Variants in NAV2 observed in about 807,000 individuals in gnomAD.
NAV2 encodes helicase, APC down-regulated 1.
NAV2 carries 54 observed loss-of-function variants against 223.2 expected under a neutral mutation model. The ratio of observed to expected loss-of-function variants is 0.24; its 90% CI spans 0.19 to 0.30. The LOEUF (loss-of-function observed/expected upper bound fraction) is 0.30. Ranked by LOEUF, NAV2 falls within the 10% of genes least tolerant of loss-of-function variation. The pLI, the probability that NAV2 is intolerant of heterozygous loss-of-function variation, is 1.00. For missense variants in NAV2, 2,806 were observed against 3,147.5 expected (o/e 0.89, Z 2.60); for synonymous variants, 1,279 against 1,239.3 (o/e 1.03, Z -0.67).
At chr11:19,366,995 C>T (rs963711022) in intron 1 of NAV2, among the ~76,000 whole-genome samples, 3 of 152,132 alleles carry the variant, frequency 2.0e-5, no homozygotes, top group East Asian at 3.8e-4. Context: ...GATGAATTCT[C>T]TTTGGTATTT....
Position 19,434,895 on chromosome 11 carries a change from G to A in NAV2, c.75+83868G>A, listed in dbSNP as rs188986947. On this transcript the variant is annotated intron_variant, in intron 1 of 37. Coordinates refer to the NAV2 transcript ENST00000360655. ...GCTCTTTTCAGCAAAGATAAAAACA[G>A]CCTTTATTTTCTCAAAATATGTCTC... Among the ~76,000 whole-genome samples, 4 of 107,406 alleles carry A rather than the reference G, an allele frequency of 3.7e-5. No individual in the cohort carries two copies. In the East Asian group the frequency reaches 8.4e-4, roughly 23 times the overall value. 70.5% of individuals were successfully genotyped at this position (107,406 alleles called of 152,430 possible). A position where few individuals can be genotyped will look rare whatever the true frequency, so the allele number is the denominator to read the frequency against.
In NAV2 at chr11:20,118,321, T is replaced by C; in HGVS notation, c.*63T>C. 6.3e-7 allele frequency: 1 copy of C among 1,581,120 alleles called. No individual in the cohort carries two copies. The highest frequency in any genetic ancestry group is 1.7e-5 in the Admixed American group (1 of 59,118). ...CCGCATTCCACCTGCATCCCCCACATCACCCTGAAGATGACTTCCTGAGCC... is the reference window on the plus strand; with the variant it reads ...CCGCATTCCACCTGCATCCCCCACACCACCCTGAAGATGACTTCCTGAGCC... On this transcript the variant is annotated 3_prime_UTR_variant, in exon 38 of 38. Coordinates refer to ENST00000349880, the MANE Select transcript of NAV2 (RefSeq NM_145117.5).
At chr11:20,018,353 CAAA>C (rs34251713) in intron 11 of NAV2, among the ~76,000 whole-genome samples, 3 of 87,998 alleles carry the variant, frequency 3.4e-5, no homozygotes, top group African/African-American at 1.5e-4. Context: ...GATTCCATCT[CAAA>C]AAAAAAAAAA....
chr11:19,618,786 G>T (rs1482570988), intron 1 of NAV2, among the ~76,000 whole-genome samples: 1 of 151,946 alleles, frequency 6.6e-6, no homozygotes, highest in Non-Finnish European at 1.5e-5. Flanking sequence ...AGGAAAGATT[G>T]GGGAGGGGGT....
At chr11:19,939,874 A>G in intron 8 of NAV2, 101 bp downstream of exon 8, 1 of 682,884 alleles carries the variant, frequency 1.5e-6, no homozygotes, top group Non-Finnish European at 2.4e-6. Flanking sequence ...GAGTTGCATT[A>G]TGTTTGCATT....
chr11:20,048,882 A>G lies in NAV2; in HGVS notation c.4057A>G (p.Ser1353Gly). The change falls in exon 15 of 38, where the codon AGT (serine) becomes GGT (glycine). Residue 1353 changes from serine to glycine, a missense_variant. This residue lies in a region of NAV2 where 742 missense variants were observed against 777.9 expected (regional missense o/e 0.95). Coordinates refer to ENST00000349880, the MANE Select transcript of NAV2 (RefSeq NM_145117.5). ...GSGVLSSGSS[S>G]PLYSKNVDLN... Reference sequence around the variant, plus strand: ...TGGCGTCCTGAGCAGTGGGAGCAGCAGTCCTCTCTACAGCAAGAATGTGGA... The same window carrying G: ...TGGCGTCCTGAGCAGTGGGAGCAGCGGTCCTCTCTACAGCAAGAATGTGGA... The G allele has an allele frequency of 6.2e-7, 1 of 1,614,208 alleles. No homozygotes were observed. The highest frequency in any genetic ancestry group is 8.5e-7 in the Non-Finnish European group (1 of 1,180,032).
intron 35 of NAV2, among the ~76,000 whole-genome samples, chr11:20,106,181 G>GTATATA (rs1565089099): frequency 6.7e-5 from 1 of 14,898 alleles, no homozygotes; most frequent in African/African-American, 1.5e-4. Context: ...ATATATGTGT[G>GTATATA]TGTATATATA....
intron 11 of NAV2, among the ~76,000 whole-genome samples, chr11:19,989,549 T>C (rs142019692): frequency 6.6e-6 from 1 of 152,312 alleles, no homozygotes; most frequent in East Asian, 1.9e-4. Context: ...TATTAACTTG[T>C]TATGGCAATA....
intron 10 of NAV2, among the ~76,000 whole-genome samples, chr11:19,964,492 C>CTTTTTTT (rs1555171616): frequency 6.8e-6 from 1 of 146,606 alleles, no homozygotes; most frequent in African/African-American, 2.5e-5. Context: ...TTTTCATCCT[C>CTTTTTTT]TTTTTTTTTT....
chr11:19,635,744 T>C (rs2047479596), intron 1 of NAV2, among the ~76,000 whole-genome samples: 1 of 152,240 alleles, frequency 6.6e-6, no homozygotes, highest in South Asian at 2.1e-4. Context: ...CATTAATTTA[T>C]TCATGAGGAT....
chr11:19,537,707 C>T (rs1268666841), intron 1 of NAV2, among the ~76,000 whole-genome samples: 1 of 152,166 alleles, frequency 6.6e-6, no homozygotes, highest in Non-Finnish European at 1.5e-5. Flanking sequence ...TTCCTTAGTT[C>T]TAGACACAAT....
chr11:19,668,431 G>A (rs907744255), intron 1 of NAV2, among the ~76,000 whole-genome samples: 1 of 150,420 alleles, frequency 6.6e-6, no homozygotes, highest in African/African-American at 2.4e-5. Context: ...TACTTGGCAG[G>A]CTGAGGCACG....
intron 1 of NAV2, among the ~76,000 whole-genome samples, chr11:19,679,173 G>A (rs2048805247): frequency 6.6e-6 from 1 of 152,222 alleles, no homozygotes; most frequent in African/African-American, 2.4e-5. Context: ...GCTCACGCCT[G>A]TAATCCAAAC....
At chr11:19,408,847 C>G (rs1296124150) in intron 1 of NAV2, among the ~76,000 whole-genome samples, 1 of 151,828 alleles carries the variant, frequency 6.6e-6, no homozygotes, top group Admixed American at 6.6e-5. Context: ...ATACTCCAAA[C>G]TGAAGACAGC....
chr11:19,877,650 T>C (rs1166778789), intron 4 of NAV2, among the ~76,000 whole-genome samples: 1 of 151,718 alleles, frequency 6.6e-6, no homozygotes, highest in Non-Finnish European at 1.5e-5. Flanking sequence ...TTTTTTGTGT[T>C]TTTAGTAGAG....
chr11:19,527,413 A>G (rs75113141), intron 1 of NAV2, among the ~76,000 whole-genome samples: 5,083 of 152,214 alleles, frequency 0.033, 273 homozygotes, highest in African/African-American at 0.12. Flanking sequence ...TGTCAGCAGC[A>G]TGAAAATTGA....
At chr11:19,586,062 G>A (rs1047510839) in intron 1 of NAV2, among the ~76,000 whole-genome samples, 1 of 152,072 alleles carries the variant, frequency 6.6e-6, no homozygotes, top group Non-Finnish European at 1.5e-5. Flanking sequence ...CATATTTGTT[G>A]GAGGCTTTAT....
rs760056785 is a variant in NAV2 at position 20,045,247 on chromosome 11, G to T, written c.3479G>T (p.Ser1160Ile). 46 of 1,614,096 alleles carry T rather than the reference G, an allele frequency of 2.8e-5. No individual in the cohort carries two copies. The highest frequency in any genetic ancestry group is 3.6e-5 in the Non-Finnish European group (43 of 1,180,040). Residue 1160 changes from serine (S) to isoleucine (I), a missense_variant, in exon 14 of 38, where the codon AGT (serine) becomes ATT (isoleucine). Ser to Ile is a moderately radical substitution (Grantham distance 142, BLOSUM62 -2). This residue lies in a region of NAV2 where 742 missense variants were observed against 777.9 expected (regional missense o/e 0.95). Transcript: ENST00000349880. ...ATCCCAAAGTCATCTGCACTCGTCA[G>T]TCGGTCTGCTGGTCGGAAGTCAAGT... The part of the protein sequence containing the change: ...GKIPKSSALV[S>I]RSAGRKSSMD...
intron 3 of NAV2, among the ~76,000 whole-genome samples, chr11:19,866,980 A>C (rs992287923): frequency 6.6e-6 from 1 of 152,130 alleles, no homozygotes; most frequent in Non-Finnish European, 1.5e-5. Context: ...AGTAGAAGAG[A>C]GATTTTATAA....
Sources: allele counts gnomAD v4.1 joint callset (sites outside exome capture counted in the v4.1 genomes callset), GRCh38; gene constraint gnomAD v4.1.1; regional missense constraint gnomAD v4.1.1; transcripts MANE v1.5; gene names NCBI Gene and HGNC (gene_info 2026-07-23, HGNC 2026-07-21).